Variants in KDM4C observed in about 807,000 individuals in gnomAD.
The protein encoded by KDM4C is lysine demethylase 4C, also known as lysine-specific demethylase 4C.
In KDM4C, 81 loss-of-function variants were observed where a neutral mutation model predicts 129.3. The observed-to-expected ratio is 0.63, with a 90% CI of 0.52 to 0.75. The LOEUF is 0.75. Ranked by LOEUF, KDM4C falls within the 30% of genes least tolerant of loss-of-function variation. KDM4C has a pLI of 0.00. For synonymous variants in KDM4C, 573 were observed against 456.1 expected, an observed-to-expected ratio of 1.26 and a Z score of -3.26; for missense variants, 1,457 against 1,304.0, an observed-to-expected ratio of 1.12 and a Z score of -1.81.
At chr9:6,919,275 C>CTCTA (rs1563812466) in intron 8 of KDM4C, among the ~76,000 whole-genome samples, 3 of 63,124 alleles carry the variant, frequency 4.8e-5, no homozygotes, top group Non-Finnish European at 1.2e-4. Flanking sequence ...TTCTTTCTGT[C>CTCTA]TCTCTCTCTC....
intron 5 of KDM4C, among the ~76,000 whole-genome samples, chr9:6,879,579 A>G (rs924604169): frequency 3.3e-5 from 5 of 152,202 alleles, no homozygotes; most frequent in African/African-American, 1.2e-4. Flanking sequence ...TTTAAAATTT[A>G]GAAAGAGAGC....
At chr9:6,974,909 A>G (rs1265731995) in intron 8 of KDM4C, 1 of 152,210 alleles carries the variant, frequency 6.6e-6, no homozygotes, top group East Asian at 1.9e-4. Context: ...TCTAACTCTG[A>G]ACTTCCACAA....
At chr9:7,113,544 T>TTC (rs1838568727) in intron 18 of KDM4C, among the ~76,000 whole-genome samples, 1 of 152,206 alleles carries the variant, frequency 6.6e-6, no homozygotes, top group Admixed American at 6.5e-5. Context: ...AGCATCATGC[T>TTC]TCTCTCCCTG....
Position 6,970,215 on chromosome 9 carries a change from A to G in KDM4C, c.922-10710A>G, listed in dbSNP as rs554022614. ...CACATCAGTTCCAGTAAAATTTTTTAAAAAGATTAAATAATGAGTAATGGT... is the reference window on the plus strand; with the variant it reads ...CACATCAGTTCCAGTAAAATTTTTTGAAAAGATTAAATAATGAGTAATGGT... On this transcript the variant is annotated intron_variant, in intron 8 of 21. Transcript: ENST00000381309. 5.3e-5 allele frequency among the ~76,000 whole-genome samples: 8 copies of G among 152,342 alleles called. No homozygotes were observed. The East Asian group carries it at 1.5e-3, about 29-fold the overall frequency.
At position 7,016,425 on chromosome 9, in the gene KDM4C, C is replaced by CTTTTT. The variant is rs759501262; in HGVS notation, c.2259+511_2259+515dup. ...TACAGGCGGGAGCCACTGTTCCTGG[C>CTTTTT]TTTTTTTTTTTTTTTTTTTGAGATG... On this transcript the variant is annotated intron_variant, in intron 15 of 21. Coordinates refer to ENST00000381309, the MANE Select transcript of KDM4C (RefSeq NM_015061.6). 1.6e-4 allele frequency among the ~76,000 whole-genome samples: 16 copies of CTTTTT among 102,708 alleles called. 1 individual carries two copies. The highest frequency in any genetic ancestry group is 3.4e-4 in the South Asian group (1 of 2,918). The allele number at this position is 102,708 out of a possible 152,430, so 67.4% of individuals were successfully genotyped here.
intron 19 of KDM4C, among the ~76,000 whole-genome samples, chr9:7,157,387 T>C (rs1387817747): frequency 6.6e-6 from 1 of 152,248 alleles, no homozygotes; most frequent in Non-Finnish European, 1.5e-5. Context: ...CTTCCAATAC[T>C]ATCTTGAATA....
intron 4 of KDM4C, among the ~76,000 whole-genome samples, chr9:6,840,702 T>C (rs1252802162): frequency 2.0e-5 from 3 of 152,204 alleles, no homozygotes; most frequent in African/African-American, 7.2e-5. Context: ...CAGCCCTCTG[T>C]TCTAATTTTC....
At position 6,849,432 on chromosome 9, in the gene KDM4C, G is replaced by C. The variant is rs1018484514; in HGVS notation, c.436-75G>C. On this transcript the variant is annotated intron_variant, in intron 4 of 21. Transcript: ENST00000381309. Reference sequence around the variant, plus strand: ...AATGTAATAATTTTGGTGGATAGTGGTTTGATTAGTAAATGCTATCTTTCA... The same window carrying C: ...AATGTAATAATTTTGGTGGATAGTGCTTTGATTAGTAAATGCTATCTTTCA... 1.2e-5 allele frequency: 15 copies of C among 1,289,828 alleles called. No homozygotes were observed. In the East Asian group the frequency reaches 1.7e-4, roughly 14 times the overall value. The allele number at this position is 1,289,828 out of a possible 1,614,324, so 79.9% of individuals were successfully genotyped here.
chr9:7,152,284 TA>T (rs1355127821), intron 19 of KDM4C, among the ~76,000 whole-genome samples: 1 of 152,222 alleles, frequency 6.6e-6, no homozygotes, highest in Non-Finnish European at 1.5e-5. Flanking sequence ...TGCAGTGACC[TA>T]AATATTTAAT....
intron 8 of KDM4C, among the ~76,000 whole-genome samples, chr9:6,898,249 C>T (rs988443805): frequency 6.6e-6 from 1 of 152,154 alleles, no homozygotes; most frequent in African/African-American, 2.4e-5. Flanking sequence ...TCAGCAGCCT[C>T]AAGCACTATG....
Position 6,783,193 on chromosome 9 carries a change from C to G in KDM4C, c.-17-9779C>G, listed in dbSNP as rs544653045. Among the ~76,000 whole-genome samples, 5 of 152,254 alleles carry G rather than the reference C, an allele frequency of 3.3e-5. No homozygotes were observed. In the East Asian group the frequency reaches 7.7e-4, roughly 24 times the overall value. On this transcript the variant is annotated intron_variant, in intron 1 of 21. Coordinates refer to ENST00000381309, the MANE Select transcript of KDM4C (RefSeq NM_015061.6). Reference sequence around the variant, plus strand: ...TGCTTCCCTTTATTGCAGCACCTGACCTGTGGTATAATAACCGCCTGTGTA... The same window carrying G: ...TGCTTCCCTTTATTGCAGCACCTGAGCTGTGGTATAATAACCGCCTGTGTA...
intron 2 of KDM4C, among the ~76,000 whole-genome samples, chr9:6,798,505 A>G (rs1036040603): frequency 6.6e-6 from 1 of 152,108 alleles, no homozygotes; most frequent in Non-Finnish European, 1.5e-5. Context: ...CCCTTAATCC[A>G]TTTAACCCTG....
Position 6,956,345 on chromosome 9 carries a change from A to T in KDM4C, c.922-24580A>T, listed in dbSNP as rs575397460. 7.2e-5 allele frequency among the ~76,000 whole-genome samples: 11 copies of T among 152,328 alleles called. No homozygotes were observed. The South Asian group carries it at 1.9e-3, about 26-fold the overall frequency. ...TATTTCACATTGCATGCTTGTATCAAAACACCTTATGTACTCCACAAATAT... is the reference window on the plus strand; with the variant it reads ...TATTTCACATTGCATGCTTGTATCATAACACCTTATGTACTCCACAAATAT... On this transcript the variant is annotated intron_variant, in intron 8 of 21. Coordinates refer to ENST00000381309, the MANE Select transcript of KDM4C (RefSeq NM_015061.6).
At chr9:6,721,042 T>A in intron 1 of KDM4C, 1 of 1,494,594 alleles carries the variant, frequency 6.7e-7, no homozygotes, top group Non-Finnish European at 9.1e-7. Context: ...TGTACATAGT[T>A]GGTGGTTCTG....
At chr9:6,836,542 C>T (rs949761909) in intron 4 of KDM4C, among the ~76,000 whole-genome samples, 7 of 152,128 alleles carry the variant, frequency 4.6e-5, no homozygotes, top group African/African-American at 1.7e-4. Flanking sequence ...TTTTTTAGTC[C>T]TTTCCTGCTA....
intron 17 of KDM4C, among the ~76,000 whole-genome samples, chr9:7,080,496 A>G (rs1690827307): frequency 1.3e-5 from 2 of 152,242 alleles, no homozygotes; most frequent in South Asian, 4.1e-4. Context: ...AGAATTCAGA[A>G]GTGAAATGCT....
chr9:7,034,315 A>G (rs577077641), intron 15 of KDM4C, among the ~76,000 whole-genome samples: 1 of 152,282 alleles, frequency 6.6e-6, no homozygotes, highest in Non-Finnish European at 1.5e-5. Context: ...AGTCCTATCT[A>G]GCTGTAATTT....
intron 8 of KDM4C, among the ~76,000 whole-genome samples, chr9:6,957,537 T>TG (rs1829282328): frequency 6.6e-6 from 1 of 151,992 alleles, no homozygotes; most frequent in Non-Finnish European, 1.5e-5. Context: ...GCAGCCACAG[T>TG]GGTAGTGGCA....
intron 8 of KDM4C, among the ~76,000 whole-genome samples, chr9:6,962,048 G>A (rs922019081): frequency 1.1e-4 from 17 of 152,158 alleles, no homozygotes; most frequent in African/African-American, 3.9e-4. Flanking sequence ...GAGTCGTGAG[G>A]AACCCTAGAG....
Sources: allele counts gnomAD v4.1 joint callset (sites outside exome capture counted in the v4.1 genomes callset), GRCh38; gene constraint gnomAD v4.1.1; transcripts MANE v1.5; gene names NCBI Gene and HGNC (gene_info 2026-07-23, HGNC 2026-07-21).